The following SMCP variants were observed in gnomAD, a reference collection of about 807,000 sequenced individuals.
The protein encoded by SMCP is sperm mitochondria associated cysteine rich protein, also known as sperm mitochondrial-associated cysteine-rich protein.
For missense variants in SMCP, 137 were observed against 137.1 expected, an observed-to-expected ratio of 1.00 and a Z score of 0.01; for synonymous variants, 41 against 46.9, an observed-to-expected ratio of 0.87 and a Z score of 0.51.
chr1:152,884,676 T>C lies in SMCP; in HGVS notation c.254T>C (p.Met85Thr), dbSNP rs560563395. 30 of 1,614,154 alleles carry C rather than the reference T, an allele frequency of 1.9e-5. No homozygotes were observed. The South Asian group carries it at 3.0e-4, about 16-fold the overall frequency. ...ETKPEVSPLN[M>T]ESEPNSPQTQ... ...AAGCCTGAAGTCTCACCCCTTAACA[T>C]GGAGTCTGAGCCCAACTCACCGCAA... The change falls in exon 2 of 2, where the codon ATG becomes ACG. Residue 85 changes from methionine to threonine, a missense_variant. By Grantham distance (81) the Met-to-Thr change is moderately conservative. Transcript: ENST00000368765.
rs756193064 is a variant in SMCP, at chr1:152,884,777, CAGA to C, written c.*10_*12del. On this transcript the variant is annotated 3_prime_UTR_variant, in exon 2 of 2. Coordinates refer to ENST00000368765, the MANE Select transcript of SMCP (RefSeq NM_030663.3). ...TGAGTCCAGGCCAAGCAAATGAGAGCAGAAGAAGTCAAACAAAGAAGAAGTCCC... is the reference window on the plus strand; with the variant it reads ...TGAGTCCAGGCCAAGCAAATGAGAGCAGAAGTCAAACAAAGAAGAAGTCCC... 1.2e-5 allele frequency: 19 copies of C among 1,609,556 alleles called. No homozygotes were observed. Among genetic ancestry groups the C allele is most frequent in the Middle Eastern group, 1.6e-4 (1 of 6,062 alleles).
chr1:152,878,423 G>C lies in SMCP; in HGVS notation c.-44G>C, dbSNP rs1648935760. 1 of 152,690 alleles carries C rather than the reference G, an allele frequency of 6.5e-6. No homozygotes were observed. The highest frequency in any genetic ancestry group is 1.5e-5 in the Non-Finnish European group (1 of 68,078). 9.5% of individuals were successfully genotyped at this position (152,690 alleles called of 1,614,324 possible). A position where few individuals can be genotyped will look rare whatever the true frequency, so the allele number is the denominator to read the frequency against. ...ATGAGAAGTCAAGCATGGAAATTGTGAATTGTGTGTGTGGCCAGACCAGGT... is the reference window on the plus strand; with the variant it reads ...ATGAGAAGTCAAGCATGGAAATTGTCAATTGTGTGTGTGGCCAGACCAGGT... On this transcript the variant is annotated 5_prime_UTR_variant, in exon 1 of 2. The change abolishes the stop of an existing upstream ORF in the 5' untranslated region. Coordinates refer to ENST00000368765, the MANE Select transcript of SMCP (RefSeq NM_030663.3).
In SMCP at chr1:152,881,910, T is replaced by G. The variant is rs116355541; in HGVS notation, c.-20-2493T>G. Among the ~76,000 whole-genome samples the G allele has an allele frequency of 6.4e-3, 974 of 152,280 alleles. 13 individuals are homozygous for G. Among genetic ancestry groups the G allele is most frequent in the African/African-American group, 0.022 (934 of 41,556 alleles). On this transcript the variant is annotated intron_variant, in intron 1 of 1. Transcript: ENST00000368765. ...TATAAAACCATCAGATTTTGTGAGG[T>G]ACATACACAGAGCCAAACCATATCA...
intron 1 of SMCP, among the ~76,000 whole-genome samples, chr1:152,881,506 G>T (rs1427928578): frequency 6.6e-6 from 1 of 151,410 alleles, no homozygotes; most frequent in African/African-American, 2.4e-5. Flanking sequence ...GGCTAACAAG[G>T]TGAAACCCCG....
chr1:152,883,023 G>A (rs1274175072), intron 1 of SMCP, among the ~76,000 whole-genome samples: 1 of 152,182 alleles, frequency 6.6e-6, no homozygotes, highest in African/African-American at 2.4e-5. Flanking sequence ...CAGCCTGGGT[G>A]ACAAGAGCGA....
intron 1 of SMCP, among the ~76,000 whole-genome samples, chr1:152,881,946 C>A (rs1316709311): frequency 6.6e-6 from 1 of 151,372 alleles, no homozygotes; most frequent in Non-Finnish European, 1.5e-5. Context: ...TGGGGTAACC[C>A]CCAGAAATTA....
chr1:152,884,665 A>G lies in SMCP; in HGVS notation c.243A>G (p.Ser81=), dbSNP rs200796491. 6.2e-7 allele frequency: 1 copy of G among 1,614,140 alleles called. No homozygotes were observed. The highest frequency in any genetic ancestry group is 1.3e-5 in the African/African-American group (1 of 75,024). Residue 81 remains serine, a synonymous_variant, in exon 2 of 2, where the codon TCA becomes TCG. Coordinates refer to ENST00000368765, the MANE Select transcript of SMCP (RefSeq NM_030663.3). ...GTTTGGAGACCAAGCCTGAAGTCTCACCCCTTAACATGGAGTCTGAGCCCA... is the reference window on the plus strand; with the variant it reads ...GTTTGGAGACCAAGCCTGAAGTCTCGCCCCTTAACATGGAGTCTGAGCCCA... ...CCGLETKPEV[S]PLNMESEPNS... is the part of the protein sequence containing the mutation.
intron 1 of SMCP, among the ~76,000 whole-genome samples, chr1:152,880,100 A>G (rs972575763): frequency 6.6e-6 from 1 of 152,174 alleles, no homozygotes; most frequent in Non-Finnish European, 1.5e-5. Flanking sequence ...CAGAATGAAG[A>G]CCAGAGAATG....
chr1:152,881,662 T>A (rs1570900886), intron 1 of SMCP, among the ~76,000 whole-genome samples: 2 of 137,860 alleles, frequency 1.5e-5, no homozygotes, highest in East Asian at 4.7e-4. Flanking sequence ...CAGTCCGCAG[T>A]CCGGCCTGGG....
At chr1:152,881,199 A>G (rs892362968) in intron 1 of SMCP, among the ~76,000 whole-genome samples, 5 of 152,086 alleles carry the variant, frequency 3.3e-5, no homozygotes, top group African/African-American at 1.2e-4. Flanking sequence ...GTCTAAGAGC[A>G]TGTCACCCAT....
At chr1:152,881,350 T>C (rs1279367189) in intron 1 of SMCP, among the ~76,000 whole-genome samples, 1 of 152,026 alleles carries the variant, frequency 6.6e-6, no homozygotes, top group African/African-American at 2.4e-5. Flanking sequence ...ATGATACAGA[T>C]TTTTGTCCTA....
chr1:152,879,467 C>T (rs1648968126), intron 1 of SMCP, among the ~76,000 whole-genome samples: 1 of 152,150 alleles, frequency 6.6e-6, no homozygotes, highest in African/African-American at 2.4e-5. Flanking sequence ...GTGATTCACC[C>T]GTCCCAGCCT....
Position 152,884,474 on chromosome 1 carries a change from T to G in SMCP, c.52T>G (p.Cys18Gly). 2 of 1,614,014 alleles carry G rather than the reference T, an allele frequency of 1.2e-6. No homozygotes were observed. Among genetic ancestry groups the G allele is most frequent in the Non-Finnish European group, 1.7e-6 (2 of 1,179,914 alleles). Residue 18 changes from cysteine (C) to glycine (G), a missense_variant, in exon 2 of 2, where the codon TGC (cysteine) becomes GGC (glycine). By Grantham distance (159) the Cys-to-Gly change is radical. Transcript: ENST00000368765. ...ATGCTGCCCAGCAAAAGGCAATCAA[T>G]GCTGCCCACCACAGCAGAACCAGTG... is the stretch of plus-strand genomic sequence containing the variant. ...SKCCPAKGNQ[C>G]CPPQQNQCCQ...
intron 1 of SMCP, among the ~76,000 whole-genome samples, chr1:152,881,036 T>A (rs1649018723): frequency 6.6e-6 from 1 of 152,038 alleles, no homozygotes; most frequent in Non-Finnish European, 1.5e-5. Flanking sequence ...AAAGTGAAAG[T>A]GAAGAGAGTC....
At chr1:152,880,991 C>G (rs4845493) in intron 1 of SMCP, among the ~76,000 whole-genome samples, 3 of 120 alleles carry the variant, frequency 0.025, no homozygotes, top group Non-Finnish European at 0.04. Flanking sequence ...CTCCTTCCCA[C>G]AGAGAAACCC....
chr1:152,884,330 G>C (rs373463278), intron 1 of SMCP, 73 bp from the exon 2 acceptor site: 1 of 1,241,458 alleles, frequency 8.1e-7, no homozygotes, highest in South Asian at 1.4e-5. Context: ...ATGTATTTGG[G>C]TGTCAAGAAA....
intron 1 of SMCP, among the ~76,000 whole-genome samples, chr1:152,879,488 T>G (rs1311447693): frequency 6.6e-6 from 1 of 152,172 alleles, no homozygotes; most frequent in Non-Finnish European, 1.5e-5. Flanking sequence ...CCCAAAGCGC[T>G]GGGACAACAG....
rs1410612292 is a variant in SMCP at position 152,884,729 on chromosome 1, C to A, written c.307C>A (p.Gln103Lys). 1.9e-6 allele frequency: 3 copies of A among 1,614,098 alleles called. No individual in the cohort carries two copies. The highest frequency in any genetic ancestry group is 4.5e-5 in the East Asian group (2 of 44,894). ...TCAGGACAAGGGCTGTCAAACCCAG[C>A]AGCAGCCCCATAGCCCACAAAATGA... ...QTQDKGCQTQ[Q>K]QPHSPQNESR... Residue 103 changes from glutamine to lysine, a missense_variant, in exon 2 of 2, where the codon CAG becomes AAG. Transcript: ENST00000368765.
At chr1:152,884,348 A>AT in intron 1 of SMCP, 55 bp from the exon 2 acceptor site, 2 of 1,436,506 alleles carry the variant, frequency 1.4e-6, no homozygotes, top group Admixed American at 3.9e-5. Context: ...AAAGGAGGAA[A>AT]TGAAAGCAGG....
Sources: gnomAD v4.1 joint callset for allele counts (sites outside exome capture counted in the v4.1 genomes callset) on GRCh38, gnomAD v4.1.1 for gene constraint, MANE v1.5 for transcripts, NCBI Gene and HGNC (gene_info 2026-07-23, HGNC 2026-07-21) for gene names.